The following C2CD5 variants were observed in gnomAD, a reference collection of about 807,000 sequenced individuals.
C2CD5 encodes the protein C2 calcium dependent domain containing 5.
A neutral mutation model predicts 130.3 loss-of-function variants in C2CD5; 109 were observed. The observed-to-expected ratio is 0.84, with a 90% CI of 0.72 to 0.98. C2CD5 has a LOEUF of 0.98. Among genes scored for constraint, C2CD5 ranks in the 50% least tolerant of loss-of-function variants. C2CD5 has a pLI of 0.00. For synonymous variants in C2CD5, 454 were observed against 429.2 expected, an observed-to-expected ratio of 1.06 and a Z score of -0.71; for missense variants, 996 against 1,261.8, an observed-to-expected ratio of 0.79 and a Z score of 3.19.
At chr12:22,457,186 A>G in intron 24 of C2CD5, 25 bp from the exon 25 acceptor site, 1 of 1,514,582 alleles carries the variant, frequency 6.6e-7, no homozygotes, top group Admixed American at 1.8e-5. Context: ...AAATGAGAAA[A>G]CATTCAGAAC....
At chr12:22,454,174 C>T in intron 25 of C2CD5, 132 bp from the exon 26 acceptor site, 3 of 674,500 alleles carry the variant, frequency 4.4e-6, no homozygotes, top group Non-Finnish European at 7.1e-6. Context: ...TTAAACTTCC[C>T]TCACAATGGG....
intron 10 of C2CD5, among the ~76,000 whole-genome samples, chr12:22,505,508 A>G (rs557553892): frequency 6.6e-6 from 1 of 152,252 alleles, no homozygotes; most frequent in South Asian, 2.1e-4. Flanking sequence ...AGCCTCACAA[A>G]GAGGTCACTG....
In C2CD5 at chr12:22,472,435, C is replaced by T. The variant is rs1435705723; in HGVS notation, c.2108-88G>A. ...CATTTTTCAATTATTATATGAAGTTCTAACTATAACACCCTTCATTTTTTT... is the reference window on the plus strand; with the variant it reads ...CATTTTTCAATTATTATATGAAGTTTTAACTATAACACCCTTCATTTTTTT... On this transcript the variant is annotated intron_variant, in intron 17 of 26. Transcript: ENST00000446597. 3.2e-5 allele frequency: 23 copies of T among 725,182 alleles called. 1 individual carries two copies. In the East Asian group the frequency reaches 6.3e-4, roughly 20 times the overall value. The allele number at this position is 725,182 out of a possible 1,614,324, so 44.9% of individuals were successfully genotyped here. A position where few individuals can be genotyped will look rare whatever the true frequency, so the allele number is the denominator to read the frequency against.
chr12:22,527,355 G>C (rs1591995497), intron 4 of C2CD5, among the ~76,000 whole-genome samples: 3 of 132,728 alleles, frequency 2.3e-5, no homozygotes, highest in African/African-American at 8.9e-5. Flanking sequence ...TTTTGAGCTA[G>C]AGTTTCACTC....
In C2CD5 at chr12:22,469,783, T is replaced by C; in HGVS notation, c.2459A>G (p.Asn820Ser). 1 of 1,598,846 alleles carries C rather than the reference T, an allele frequency of 6.3e-7. No individual in the cohort carries two copies. Among genetic ancestry groups the C allele is most frequent in the Non-Finnish European group, 8.5e-7 (1 of 1,171,478 alleles). The change falls in exon 22 of 27, where the codon AAT becomes AGT. Residue 820 changes from asparagine to serine, a missense_variant. Around this residue, in one of 9 missense-constraint regions of C2CD5, gnomAD observed 590 missense variants for 631.4 expected, o/e 0.93. Coordinates refer to ENST00000446597, the MANE Select transcript of C2CD5 (RefSeq NM_001286176.2). ...EKSLQRASTDNEELLQFPLEL... is the reference protein window; with the variant it reads ...EKSLQRASTDSEELLQFPLEL... Reference sequence around the variant, plus strand: ...CAGTGGAAATTGTAAAAGTTCTTCATTATCTGTTGAGGCTAGAAAGGCAAG... The same window carrying C: ...CAGTGGAAATTGTAAAAGTTCTTCACTATCTGTTGAGGCTAGAAAGGCAAG...
intron 7 of C2CD5, 69 bp downstream of exon 7, chr12:22,523,357 A>T (rs1950433876): frequency 7.8e-7 from 1 of 1,279,508 alleles, no homozygotes; most frequent in African/African-American, 1.5e-5. Flanking sequence ...AAATGTTTCA[A>T]ATCAAATGAA....
At chr12:22,516,869 C>T (rs1512717) in intron 8 of C2CD5, among the ~76,000 whole-genome samples, 24,241 of 151,638 alleles carry the variant, frequency 0.16, 3,830 homozygotes, top group African/African-American at 0.41. Flanking sequence ...GCATAAACCT[C>T]GTAAGGTGCC....
Position 22,525,669 on chromosome 12 carries a change from T to C in C2CD5, c.386A>G (p.Asp129Gly), listed in dbSNP as rs1339767569. 6.3e-7 allele frequency: 1 copy of C among 1,591,298 alleles called. No individual in the cohort carries two copies. Among genetic ancestry groups the C allele is most frequent in the Non-Finnish European group, 8.6e-7 (1 of 1,159,722 alleles). ...RGEINVVVKV[D>G]LFNDLNRFRQ... ...AAATCGATTTAAATCATTGAAGAGG[T>C]CTACTTTGACAACTACATTGATTTC... is the stretch of plus-strand genomic sequence containing the variant. Residue 129 changes from aspartate to glycine, a missense_variant, in exon 5 of 27, where the codon GAC (aspartate) becomes GGC (glycine). Around this residue, in one of 9 missense-constraint regions of C2CD5, gnomAD observed 49 missense variants for 52.0 expected, o/e 0.94. Transcript: ENST00000446597.
At chr12:22,532,344 A>T (rs1459232581) in intron 3 of C2CD5, among the ~76,000 whole-genome samples, 1 of 151,704 alleles carries the variant, frequency 6.6e-6, no homozygotes, top group Non-Finnish European at 1.5e-5. Flanking sequence ...AAAAAAAAAA[A>T]GTTTACATAT....
intron 12 of C2CD5, among the ~76,000 whole-genome samples, chr12:22,486,735 A>G (rs11609525): frequency 0.072 from 10,894 of 152,310 alleles, 562 homozygotes; most frequent in Non-Finnish European, 0.11. Context: ...TATTTCTTAA[A>G]TGACATTTTA....
chr12:22,523,717 C>T, intron 6 of C2CD5, 93 bp from the exon 7 acceptor site: 1 of 854,858 alleles, frequency 1.2e-6, no homozygotes, highest in South Asian at 1.6e-5. Flanking sequence ...AAAAAAAAGA[C>T]CAAGAAAATC....
In C2CD5 at chr12:22,459,503, G is replaced by T; in HGVS notation, c.2573C>A (p.Ala858Asp). 6.5e-7 allele frequency: 1 copy of T among 1,531,374 alleles called. No homozygotes were observed. The highest frequency in any genetic ancestry group is 8.8e-7 in the Non-Finnish European group (1 of 1,142,712). 94.9% of individuals were successfully genotyped at this position (1,531,374 alleles called of 1,614,324 possible). Residue 858 changes from alanine (A) to aspartate (D), a missense_variant, in exon 23 of 27, where the codon GCT becomes GAT. Transcript: ENST00000446597. Reference protein sequence around the residue: ...ESASSNSGIPAAQRATSVDYS... With the variant: ...ESASSNSGIPDAQRATSVDYS... ...TTAGACAAACTCACCTCTCTGTGCAGCTGGTATACCTGAGTTAGAACTTGC... is the reference window on the plus strand; with the variant it reads ...TTAGACAAACTCACCTCTCTGTGCATCTGGTATACCTGAGTTAGAACTTGC...
chr12:22,458,446 T>A, intron 24 of C2CD5, 38 bp downstream of exon 24: 1 of 970,154 alleles, frequency 1.0e-6, no homozygotes, highest in Non-Finnish European at 1.3e-6. Context: ...GGGATATGTT[T>A]CTCAGATTAT....
intron 8 of C2CD5, among the ~76,000 whole-genome samples, chr12:22,514,062 C>G (rs11046453): frequency 0.16 from 24,250 of 151,978 alleles, 3,829 homozygotes; most frequent in African/African-American, 0.41. Flanking sequence ...CAAGCTCTTA[C>G]ATGTATTTTT....
chr12:22,457,052 A>G lies in C2CD5; in HGVS notation c.2796T>C (p.Ser932=), dbSNP rs771986528. The G allele has an allele frequency of 2.5e-6, 4 of 1,611,124 alleles. No individual in the cohort carries two copies. The highest frequency in any genetic ancestry group is 3.4e-6 in the Non-Finnish European group (4 of 1,177,870). ...TAGTTATTTTTGCTCCAGGAATAAAAGAAAGAGGTGTCATCTTAACAACCC... is the reference window on the plus strand; with the variant it reads ...TAGTTATTTTTGCTCCAGGAATAAAGGAAAGAGGTGTCATCTTAACAACCC... ...TVGVVKMTPL[S]FIPGAKITKY... is the part of the protein sequence containing the mutation. Residue 932 remains serine (S), a synonymous_variant, in exon 25 of 27, where the codon TCT becomes TCC. Coordinates refer to ENST00000446597, the MANE Select transcript of C2CD5 (RefSeq NM_001286176.2).
chr12:22,490,031 C>T, intron 12 of C2CD5, 92 bp downstream of exon 12: 1 of 864,126 alleles, frequency 1.2e-6, no homozygotes, highest in Non-Finnish European at 1.9e-6. Flanking sequence ...TGTAAGCCAC[C>T]CTACGGAGAA....
rs1342783626 is a variant in C2CD5 at position 22,519,245 on chromosome 12, G to A, written c.801-1108C>T. ...GAGGATGAACCAGCGGAGACCTGAG[G>A]GAATTTGTGGTCAAAGTGGAAGAAA... On this transcript the variant is annotated intron_variant, in intron 7 of 26. Transcript: ENST00000446597. The A allele has an allele frequency of 2.0e-6, 3 of 1,534,842 alleles. No individual in the cohort carries two copies. The East Asian group carries it at 7.3e-5, about 38-fold the overall frequency.
intron 26 of C2CD5, among the ~76,000 whole-genome samples, chr12:22,451,771 G>A (rs528623677): frequency 6.6e-6 from 1 of 152,032 alleles, no homozygotes; most frequent in Non-Finnish European, 1.5e-5. Context: ...GAGAGGTGAG[G>A]GGGGCAACAG....
intron 7 of C2CD5, among the ~76,000 whole-genome samples, chr12:22,520,190 TACAC>T (rs1950148820): frequency 6.6e-6 from 1 of 152,188 alleles, no homozygotes; most frequent in Non-Finnish European, 1.5e-5. Flanking sequence ...TGCCTTTGCT[TACAC>T]ACAATGAGGG....
Sources: allele counts gnomAD v4.1 joint callset (sites outside exome capture counted in the v4.1 genomes callset), GRCh38; gene constraint gnomAD v4.1.1; regional missense constraint gnomAD v4.1.1; transcripts MANE v1.5; gene names NCBI Gene and HGNC (gene_info 2026-07-23, HGNC 2026-07-21).